Variants in TLN2 observed in about 807,000 individuals in gnomAD.
TLN2 encodes the protein talin-2.
In TLN2, 118 loss-of-function variants were observed where a neutral mutation model predicts 294.7. The observed-to-expected ratio is 0.40, with a 90% CI of 0.34 to 0.47. The LOEUF (loss-of-function observed/expected upper bound fraction) is 0.47. Ranked by LOEUF, TLN2 falls within the 20% of genes least tolerant of loss-of-function variation. The pLI is 0.84. For missense variants in TLN2, 3,083 were observed against 3,282.2 expected (o/e 0.94, Z 1.48); for synonymous variants, 1,431 against 1,304.5 (o/e 1.10, Z -2.09).
rs1289855162 is a variant in TLN2 at position 62,680,581 on chromosome 15, CT to C, written c.957+5272del. 1.5e-3 allele frequency among the ~76,000 whole-genome samples: 217 copies of C among 143,896 alleles called. 1 individual carries two copies. Among genetic ancestry groups the C allele is most frequent in the East Asian group, 8.3e-3 (41 of 4,958 alleles). The allele number at this position is 143,896 out of a possible 152,430, so 94.4% of individuals were successfully genotyped here. ...AAAAAAATTGTATACCTAAGGGATA[CT>C]TTTTTTTTTTTCAATAGCTTTTGGG... On this transcript the variant is annotated intron_variant, in intron 11 of 58. Transcript: ENST00000636159.
intron 1 of TLN2, among the ~76,000 whole-genome samples, chr15:62,418,339 C>T (rs2034198261): frequency 6.6e-6 from 1 of 152,172 alleles, no homozygotes; most frequent in South Asian, 2.1e-4. Flanking sequence ...ACAAATCCCT[C>T]ATGATTTTGT....
At chr15:62,640,474 C>A (rs1183360527) in intron 3 of TLN2, 2 of 412,002 alleles carry the variant, frequency 4.9e-6, no homozygotes, top group Non-Finnish European at 9.6e-6. Flanking sequence ...TGGGCACAAA[C>A]CCCTGCTTTA....
At chr15:62,586,221 G>A (rs2045597189) in intron 1 of TLN2, among the ~76,000 whole-genome samples, 1 of 152,228 alleles carries the variant, frequency 6.6e-6, no homozygotes, top group Non-Finnish European at 1.5e-5. Context: ...TTCACACTGG[G>A]TGGCCCATGT....
chr15:62,722,453 C>G lies in TLN2; in HGVS notation c.3092C>G (p.Thr1031Ser). ...QLSQCAKNLATSLAELRTASQ... is the reference protein window; with the variant it reads ...QLSQCAKNLASSLAELRTASQ... ...AGCCAGTGTGCCAAGAACCTGGCCA[C>G]CAGCTTGGCGGAGCTGCGTACCGCC... The change falls in exon 26 of 59, where the codon ACC becomes AGC. Residue 1031 changes from threonine to serine, a missense_variant. By Grantham distance (58) the Thr-to-Ser change is moderately conservative (BLOSUM62 1). Transcript: ENST00000636159. 1.2e-6 allele frequency: 2 copies of G among 1,612,368 alleles called. No individual in the cohort carries two copies. Among genetic ancestry groups the G allele is most frequent in the Non-Finnish European group, 1.7e-6 (2 of 1,179,418 alleles).
At chr15:62,523,103 G>A (rs947137025) in intron 1 of TLN2, among the ~76,000 whole-genome samples, 4 of 152,140 alleles carry the variant, frequency 2.6e-5, no homozygotes, top group African/African-American at 9.7e-5. Flanking sequence ...CCTTAAATAT[G>A]CTTAAATATG....
intron 1 of TLN2, among the ~76,000 whole-genome samples, chr15:62,570,189 T>A (rs1050879690): frequency 1.3e-5 from 2 of 152,168 alleles, no homozygotes; most frequent in Non-Finnish European, 2.9e-5. Flanking sequence ...GTTTAGGAAG[T>A]CTTTAGGGAT....
chr15:62,446,020 T>A (rs1214149227), intron 1 of TLN2, among the ~76,000 whole-genome samples: 1 of 151,936 alleles, frequency 6.6e-6, no homozygotes, highest in Non-Finnish European at 1.5e-5. Context: ...TTTATTTTTA[T>A]TTTTTTGAGA....
rs577212179 is a variant in TLN2 at position 62,436,327 on chromosome 15, A to T, written c.-238+45642A>T. Among the ~76,000 whole-genome samples, 4 of 152,338 alleles carry T rather than the reference A, an allele frequency of 2.6e-5. No individual in the cohort carries two copies. The South Asian group carries it at 8.3e-4, about 32-fold the overall frequency. ...CCAGGCTTCCACTTAGGTGGAATTC[A>T]AACTAACAGTCCTTGGCAACTGCAG... On this transcript the variant is annotated intron_variant, in intron 1 of 58. Coordinates refer to ENST00000636159, the MANE Select transcript of TLN2 (RefSeq NM_015059.3).
intron 3 of TLN2, among the ~76,000 whole-genome samples, chr15:62,636,913 G>T (rs2050435678): frequency 6.6e-6 from 1 of 152,160 alleles, no homozygotes; most frequent in African/African-American, 2.4e-5. Flanking sequence ...GTTCAGTCTG[G>T]AAGAAAACAC....
chr15:62,397,675 A>G (rs2032665885), intron 1 of TLN2, among the ~76,000 whole-genome samples: 1 of 152,218 alleles, frequency 6.6e-6, no homozygotes, highest in African/African-American at 2.4e-5. Flanking sequence ...ACCATGCTTG[A>G]GATTACATCA....
intron 1 of TLN2, among the ~76,000 whole-genome samples, chr15:62,409,858 A>G (rs2033657401): frequency 6.6e-6 from 1 of 152,222 alleles, no homozygotes; most frequent in African/African-American, 2.4e-5. Context: ...TGCTTTGCAG[A>G]TGTTTCCACA....
Position 62,759,268 on chromosome 15 carries a change from C to T in TLN2, c.4639-2413C>T, listed in dbSNP as rs557500075. ...TACCTGTGCAAACTATCCTTTCTGA[C>T]GCCGGATGCCTTTTCTGGATAAAAT... On this transcript the variant is annotated intron_variant, in intron 37 of 58. Transcript: ENST00000636159. Among the ~76,000 whole-genome samples, 29 of 152,290 alleles carry T rather than the reference C, an allele frequency of 1.9e-4. 1 individual carries two copies. The South Asian group carries it at 3.5e-3, about 18-fold the overall frequency.
At chr15:62,615,268 G>C (rs907946061) in intron 2 of TLN2, among the ~76,000 whole-genome samples, 1 of 152,208 alleles carries the variant, frequency 6.6e-6, no homozygotes, top group African/African-American at 2.4e-5. Context: ...TGCACACAAA[G>C]CATTGTATTG....
Position 62,647,422 on chromosome 15 carries a change from G to T in TLN2, c.112G>T (p.Val38Leu). The T allele has an allele frequency of 6.2e-7, 1 of 1,614,232 alleles. No individual in the cohort carries two copies. The highest frequency in any genetic ancestry group is 1.1e-5 in the South Asian group (1 of 91,090). Reference protein sequence around the residue: ...YDACRVIRERVPEAQTGQASD... With the variant: ...YDACRVIRERLPEAQTGQASD... ...TGCGTGTCGAGTCATTCGGGAACGG[G>T]TGCCTGAGGCACAAACTGGGCAAGG... The change falls in exon 4 of 59, where the codon GTG becomes TTG. Residue 38 changes from valine to leucine, a missense_variant. Transcript: ENST00000636159.
chr15:62,672,425 A>C (rs2055543855), intron 9 of TLN2, among the ~76,000 whole-genome samples: 1 of 152,164 alleles, frequency 6.6e-6, no homozygotes, highest in Non-Finnish European at 1.5e-5. Context: ...TATTAATTAT[A>C]TGATGTCTGG....
In TLN2 at chr15:62,572,113, C is replaced by G. The variant is rs185575770; in HGVS notation, c.-237-17574C>G. Reference sequence around the variant, plus strand: ...CCTGTTATGCTCTTCTTTCCAGGTTCTCTAGCTTGACACTGGGCATAGCAC... The same window carrying G: ...CCTGTTATGCTCTTCTTTCCAGGTTGTCTAGCTTGACACTGGGCATAGCAC... On this transcript the variant is annotated intron_variant, in intron 1 of 58. Transcript: ENST00000636159. Among the ~76,000 whole-genome samples, 46 of 152,292 alleles carry G rather than the reference C, an allele frequency of 3.0e-4. 1 individual carries two copies. The highest frequency in any genetic ancestry group is 2.8e-3 in the Admixed American group (43 of 15,302).
Position 62,698,786 on chromosome 15 carries a change from C to T in TLN2, c.1506C>T (p.Ile502=). 6.2e-7 allele frequency: 1 copy of T among 1,612,082 alleles called. No individual in the cohort carries two copies. Among genetic ancestry groups the T allele is most frequent in the South Asian group, 1.1e-5 (1 of 91,064 alleles). The change falls in exon 16 of 59, where the codon ATC becomes ATT. Residue 502 remains isoleucine, a synonymous_variant. Coordinates refer to ENST00000636159, the MANE Select transcript of TLN2 (RefSeq NM_015059.3). ...CCCAGCAGGCCCTGATGGGGACCAT[C>T]AACACAAGCATGCACGCCGTCCAGC... ...TSAQQALMGT[I]NTSMHAVQQA...
intron 1 of TLN2, among the ~76,000 whole-genome samples, chr15:62,571,469 A>G (rs992831364): frequency 6.6e-6 from 1 of 152,198 alleles, no homozygotes; most frequent in African/African-American, 2.4e-5. Context: ...CTACCCTTAA[A>G]ACCTTACATA....
Position 62,495,756 on chromosome 15 carries a change from G to A in TLN2, c.-237-93931G>A, listed in dbSNP as rs148906709. Among the ~76,000 whole-genome samples the A allele has an allele frequency of 4.6e-5, 7 of 152,242 alleles. No individual in the cohort carries two copies. In the East Asian group the frequency reaches 1.4e-3, roughly 29 times the overall value. On this transcript the variant is annotated intron_variant, in intron 1 of 58. Transcript: ENST00000636159. ...TTCCAGAAGCAGTTTGTGTGTAAAA[G>A]CCCTAAAGGGCCACATTCCACTTGA... is the stretch of plus-strand genomic sequence containing the variant.
Sources: allele counts gnomAD v4.1 joint callset (sites outside exome capture counted in the v4.1 genomes callset), GRCh38; gene constraint gnomAD v4.1.1; transcripts MANE v1.5; gene names NCBI Gene and HGNC (gene_info 2026-07-23, HGNC 2026-07-21).